DAB2IP: variants seen among roughly 807,000 people sequenced by gnomAD.
DAB2IP encodes the protein DAB2 interacting protein.
In DAB2IP, 28 loss-of-function variants were observed where a neutral mutation model predicts 107.2. The ratio of observed to expected loss-of-function variants is 0.26; its 90% CI spans 0.19 to 0.36. The LOEUF (loss-of-function observed/expected upper bound fraction) is 0.36, where lower values mean the gene tolerates loss of function less well. Ranked by LOEUF, DAB2IP falls within the 10% of genes least tolerant of loss-of-function variation. DAB2IP has a pLI of 1.00. For synonymous variants in DAB2IP, 755 were observed against 706.4 expected (o/e 1.07, Z -1.09); for missense variants, 1,400 against 1,644.7 (o/e 0.85, Z 2.57).
intron 1 of DAB2IP, among the ~76,000 whole-genome samples, chr9:121,568,512 A>G (rs2118876103): frequency 6.6e-6 from 1 of 152,230 alleles, no homozygotes; most frequent in South Asian, 2.1e-4. Flanking sequence ...GGAGAGAGGG[A>G]AAAAAATAGG....
At chr9:121,657,105 G>GCCTGCC (rs1362671010) in intron 1 of DAB2IP, among the ~76,000 whole-genome samples, 3 of 152,188 alleles carry the variant, frequency 2.0e-5, no homozygotes, top group African/African-American at 7.2e-5. Flanking sequence ...GACCTCCCCG[G>GCCTGCC]CCTGCCCCTG....
chr9:121,763,319 CCCCTG>C (rs1317744200), intron 6 of DAB2IP, among the ~76,000 whole-genome samples, 181 bp from the exon 7 acceptor site: 7 of 152,322 alleles, frequency 4.6e-5, no homozygotes, highest in African/African-American at 9.6e-5. Flanking sequence ...TGGCTGGGGG[CCCCTG>C]CCCTGCCCAC....
chr9:121,759,965 G>A lies in DAB2IP; in HGVS notation c.696G>A (p.Leu232=), dbSNP rs751727520. 10 of 1,614,082 alleles carry A rather than the reference G, an allele frequency of 6.2e-6. No homozygotes were observed. In the South Asian group the frequency reaches 1.1e-4, roughly 18 times the overall value. Reference sequence around the variant, plus strand: ...ACCTGCCAGCCAAGAAGAAGTACCTGTGCGAGCTGTGCCTGGACGATGTGC... The same window carrying A: ...ACCTGCCAGCCAAGAAGAAGTACCTATGCGAGCTGTGCCTGGACGATGTGC... Residue 232 remains leucine (L), a synonymous_variant, in exon 6 of 16, where the codon CTG becomes CTA. Coordinates refer to ENST00000408936, the Ensembl canonical transcript of DAB2IP.
intron 1 of DAB2IP, among the ~76,000 whole-genome samples, chr9:121,602,824 C>G (rs545611292): frequency 6.6e-6 from 1 of 152,348 alleles, no homozygotes; most frequent in African/African-American, 2.4e-5. Flanking sequence ...ATCCGCCCAC[C>G]TCGGCCTCCC....
intron 10 of DAB2IP, among the ~76,000 whole-genome samples, chr9:121,770,290 C>T (rs945415538): frequency 6.6e-6 from 1 of 152,228 alleles, no homozygotes; most frequent in Non-Finnish European, 1.5e-5. Context: ...GAAGGAGAGG[C>T]TTGCACTAGG....
chr9:121,582,830 T>C (rs1051480957), intron 1 of DAB2IP, among the ~76,000 whole-genome samples: 1 of 152,236 alleles, frequency 6.6e-6, no homozygotes, highest in African/African-American at 2.4e-5. Flanking sequence ...AGTGCCCTTT[T>C]GCTCACCACT....
At chr9:121,657,084 AG>A (rs1200395795) in intron 1 of DAB2IP, among the ~76,000 whole-genome samples, 3 of 152,198 alleles carry the variant, frequency 2.0e-5, no homozygotes, top group Non-Finnish European at 4.4e-5. Context: ...TGCCTGGGAT[AG>A]CTCAGGTGGG....
intron 3 of DAB2IP, among the ~76,000 whole-genome samples, chr9:121,746,020 G>T (rs990694683): frequency 1.3e-5 from 2 of 152,178 alleles, no homozygotes; most frequent in African/African-American, 4.8e-5. Flanking sequence ...GAGGTAAGGG[G>T]GTAGAGCAGG....
At position 121,605,339 on chromosome 9, in the gene DAB2IP, G is replaced by C. The variant is rs535016182; in HGVS notation, c.40+38111G>C. Among the ~76,000 whole-genome samples the C allele has an allele frequency of 7.4e-4, 112 of 152,188 alleles. 1 individual carries two copies. The highest frequency in any genetic ancestry group is 2.6e-3 in the African/African-American group (108 of 41,534). ...CGGTCCCATCATTTGGATTGTTCTTGATCTGCTTCTTAAAAAAAACTTTAT... is the reference window on the plus strand; with the variant it reads ...CGGTCCCATCATTTGGATTGTTCTTCATCTGCTTCTTAAAAAAAACTTTAT... On this transcript the variant is annotated intron_variant, in intron 1 of 16. Coordinates refer to the DAB2IP transcript ENST00000259371.
intron 3 of DAB2IP, among the ~76,000 whole-genome samples, chr9:121,753,414 C>G (rs769981670): frequency 4.6e-5 from 7 of 152,204 alleles, no homozygotes; most frequent in South Asian, 2.1e-4. Flanking sequence ...GTGGGCCATG[C>G]AATTGGGCCA....
intron 3 of DAB2IP, among the ~76,000 whole-genome samples, chr9:121,730,028 C>T: frequency 6.6e-6 from 1 of 152,118 alleles, no homozygotes; most frequent in East Asian, 1.9e-4. Context: ...CCAGCTGGGC[C>T]ACTCCACAAA....
chr9:121,656,043 T>C (rs1832958216), intron 1 of DAB2IP, among the ~76,000 whole-genome samples: 1 of 151,368 alleles, frequency 6.6e-6, no homozygotes. Flanking sequence ...AGTTTTGCTT[T>C]TGTTACCCAG....
At chr9:121,682,204 C>T (rs959498801) in intron 2 of DAB2IP, among the ~76,000 whole-genome samples, 2 of 152,192 alleles carry the variant, frequency 1.3e-5, no homozygotes, top group Non-Finnish European at 2.9e-5. Flanking sequence ...GCTATGTCCT[C>T]ACGTGCTCAG....
chr9:121,655,623 C>T (rs542184799), intron 1 of DAB2IP, among the ~76,000 whole-genome samples: 4 of 152,246 alleles, frequency 2.6e-5, no homozygotes, highest in Middle Eastern at 3.4e-3. Context: ...CCAGCTCAGC[C>T]GCGGACTGGT....
At chr9:121,588,690 T>G (rs1830362538) in intron 1 of DAB2IP, among the ~76,000 whole-genome samples, 1 of 147,862 alleles carries the variant, frequency 6.8e-6, no homozygotes, top group Non-Finnish European at 1.5e-5. Context: ...TGAGCTTCCA[T>G]GCAGTCAGTG....
rs373545058 is a variant in DAB2IP, at chr9:121,635,563, G to A, written c.41-43115G>A. Among the ~76,000 whole-genome samples, 1 of 152,086 alleles carries A rather than the reference G, an allele frequency of 6.6e-6. No individual in the cohort carries two copies. Among genetic ancestry groups the A allele is most frequent in the Non-Finnish European group, 1.5e-5 (1 of 68,030 alleles). On this transcript the variant is annotated intron_variant, in intron 1 of 16. Coordinates refer to the DAB2IP transcript ENST00000259371. The surrounding 1 kb of genome is among the most constrained non-coding windows in gnomAD (Gnocchi z 4.3). ...ACTGGCTTTGCTGCCAACATGGCCT[G>A]TCTGCAGGGAAGAAGGCCACCTGAG...
intron 1 of DAB2IP, among the ~76,000 whole-genome samples, chr9:121,592,887 G>A (rs1444388025): frequency 6.6e-6 from 1 of 152,186 alleles, no homozygotes; most frequent in African/African-American, 2.4e-5. Context: ...GAACAGACTG[G>A]AGGGTGCCAG....
chr9:121,732,085 G>T (rs144379053), intron 3 of DAB2IP, among the ~76,000 whole-genome samples: 1 of 152,082 alleles, frequency 6.6e-6, no homozygotes, highest in Admixed American at 6.6e-5. Flanking sequence ...TGATCCCGGC[G>T]TCTTGTACAA....
At chr9:121,608,434 C>T (rs1421090344) in intron 1 of DAB2IP, among the ~76,000 whole-genome samples, 1 of 152,120 alleles carries the variant, frequency 6.6e-6, no homozygotes, top group African/African-American at 2.4e-5. Context: ...TTAAGCAAAG[C>T]AGCAAGGATG....
Sources: allele counts gnomAD v4.1 joint callset (sites outside exome capture counted in the v4.1 genomes callset), GRCh38; gene constraint gnomAD v4.1.1; non-coding constraint Gnocchi (gnomAD v3.1); transcripts MANE v1.5; gene names NCBI Gene and HGNC (gene_info 2026-07-23, HGNC 2026-07-21).